Variants in DENND5B observed in about 807,000 individuals in gnomAD.
The protein encoded by DENND5B is DENN domain-containing protein 5B.
A neutral mutation model predicts 140.6 loss-of-function variants in DENND5B; 34 were observed. The observed-to-expected ratio is 0.24, with a 90% confidence interval of 0.18 to 0.32. DENND5B has a LOEUF of 0.32. Ranked by LOEUF, DENND5B falls within the 10% of genes least tolerant of loss-of-function variation. DENND5B has a pLI of 1.00. For synonymous variants in DENND5B, 551 were observed against 562.1 expected (o/e 0.98, Z 0.28); for missense variants, 1,142 against 1,560.2 (o/e 0.73, Z 4.52).
chr12:31,479,889 G>T lies in DENND5B; in HGVS notation c.604C>A (p.Gln202Lys), dbSNP rs763416832. 14 of 1,613,824 alleles carry T rather than the reference G, an allele frequency of 8.7e-6. No homozygotes were observed. The highest frequency in any genetic ancestry group is 1.2e-5 in the Non-Finnish European group (14 of 1,179,826). Reference sequence around the variant, plus strand: ...TGGATAAGGAATTTCTTGCAGGCCTGCATGAATGGTAACGGTGTGATCAAG... The same window carrying T: ...TGGATAAGGAATTTCTTGCAGGCCTTCATGAATGGTAACGGTGTGATCAAG... ...ICLITPLPFM[Q>K]ACKKFLIQLY... The change falls in exon 3 of 21, where the codon CAG (glutamine) becomes AAG (lysine). Residue 202 changes from glutamine to lysine, a missense_variant. Physicochemically the swap from Gln to Lys is moderately conservative, Grantham distance 53. This residue lies in a region of DENND5B where 708 missense variants were observed against 905.5 expected (regional missense o/e 0.78). Coordinates refer to ENST00000389082, the MANE Select transcript of DENND5B (RefSeq NM_144973.4).
At chr12:31,420,180 G>T in intron 11 of DENND5B, 2 of 564,032 alleles carry the variant, frequency 3.5e-6, no homozygotes, top group African/African-American at 2.0e-5. Flanking sequence ...AAGCTAGAGT[G>T]CAGTGGTGGG....
chr12:31,411,534 G>A (rs938092340), intron 13 of DENND5B, among the ~76,000 whole-genome samples: 1 of 151,658 alleles, frequency 6.6e-6, no homozygotes, highest in Non-Finnish European at 1.5e-5. Context: ...TAGTAGAGAC[G>A]GGGTTTCACC....
At chr12:31,526,266 A>C (rs1297653359) in intron 1 of DENND5B, among the ~76,000 whole-genome samples, 1 of 152,178 alleles carries the variant, frequency 6.6e-6, no homozygotes, top group Non-Finnish European at 1.5e-5. Context: ...CTACAGAAAT[A>C]TTTACATTTA....
chr12:31,489,980 G>A (rs1946461741), intron 2 of DENND5B, among the ~76,000 whole-genome samples: 1 of 152,182 alleles, frequency 6.6e-6, no homozygotes, highest in Non-Finnish European at 1.5e-5. Context: ...CAGGAGTCCA[G>A]GTAAGAGATC....
chr12:31,412,570 G>A (rs1248113390), intron 13 of DENND5B, among the ~76,000 whole-genome samples: 1 of 152,122 alleles, frequency 6.6e-6, no homozygotes, highest in Non-Finnish European at 1.5e-5. Context: ...GACAGGAGGC[G>A]GAGCTTAGGC....
intron 1 of DENND5B, among the ~76,000 whole-genome samples, chr12:31,517,798 A>G (rs965973887): frequency 6.6e-6 from 1 of 152,194 alleles, no homozygotes; most frequent in African/African-American, 2.4e-5. Context: ...AAGGGCTGGG[A>G]AGTGAAGCAC....
rs1043491184 is a variant in DENND5B at position 31,382,384 on chromosome 12, A to G, written c.*5219T>C. The G allele has an allele frequency of 6.6e-6, 1 of 152,080 alleles. No individual in the cohort carries two copies. The highest frequency in any genetic ancestry group is 1.5e-5 in the Non-Finnish European group (1 of 67,986). 9.4% of individuals were successfully genotyped at this position (152,080 alleles called of 1,614,324 possible). The stretch of plus-strand genomic sequence containing the variant: ...AAATTTTATATTATGTTCAGATGAG[A>G]AAAAAAATCCAGTTCTGATGCATTT... On this transcript the variant is annotated 3_prime_UTR_variant, in exon 21 of 21. Transcript: ENST00000389082.
At chr12:31,404,759 C>CTTTTT (rs71062425) in intron 14 of DENND5B, among the ~76,000 whole-genome samples, 879 of 74,034 alleles carry the variant, frequency 0.012, 89 homozygotes, top group African/African-American at 0.042. Flanking sequence ...CGACCTCTAG[C>CTTTTT]TTTTTTTTTT....
intron 4 of DENND5B, among the ~76,000 whole-genome samples, chr12:31,457,961 G>A (rs537573657): frequency 2.8e-4 from 43 of 152,168 alleles, no homozygotes; most frequent in Non-Finnish European, 4.3e-4. Flanking sequence ...TGATCCGCCC[G>A]CCTCAGCCTC....
At chr12:31,427,093 T>C (rs1033857308) in intron 8 of DENND5B, among the ~76,000 whole-genome samples, 1 of 152,228 alleles carries the variant, frequency 6.6e-6, no homozygotes, top group African/African-American at 2.4e-5. Flanking sequence ...AGGTGGCCTC[T>C]TTCTGTGATG....
In DENND5B at chr12:31,495,848, T is replaced by C; in HGVS notation, c.199A>G (p.Ile67Val). 1 of 1,612,828 alleles carries C rather than the reference T, an allele frequency of 6.2e-7. No homozygotes were observed. The highest frequency in any genetic ancestry group is 8.5e-7 in the Non-Finnish European group (1 of 1,179,380). ...SKVLAHYPQN[I>V]EWNPFDQDAV... ...TCTTGATCAAAAGGGTTCCATTCTATATTCTGAGGATAGTGGGCGAGAACT... is the reference window on the plus strand; with the variant it reads ...TCTTGATCAAAAGGGTTCCATTCTACATTCTGAGGATAGTGGGCGAGAACT... Residue 67 changes from isoleucine (I) to valine (V), a missense_variant, in exon 2 of 21, where the codon ATA becomes GTA. Transcript: ENST00000389082.
At chr12:31,468,724 T>G (rs1299518546) in intron 3 of DENND5B, among the ~76,000 whole-genome samples, 1 of 151,900 alleles carries the variant, frequency 6.6e-6, no homozygotes, top group Non-Finnish European at 1.5e-5. Flanking sequence ...GGCAGGAGGA[T>G]TGCCTGAGCC....
At chr12:31,580,293 T>C (rs538510721) in intron 1 of DENND5B, among the ~76,000 whole-genome samples, 1 of 152,122 alleles carries the variant, frequency 6.6e-6, no homozygotes, top group Admixed American at 6.6e-5. Flanking sequence ...AAATGGTTAA[T>C]TTTATTTACC....
At position 31,436,396 on chromosome 12, in the gene DENND5B, C is replaced by T. The variant is rs181825855; in HGVS notation, c.2013-3148G>A. Among the ~76,000 whole-genome samples the T allele has an allele frequency of 1.3e-3, 197 of 151,756 alleles. 1 individual carries two copies. Among genetic ancestry groups the T allele is most frequent in the African/African-American group, 4.7e-3 (193 of 41,358 alleles). ...GATTACAGGCATGAGCTACCGTGCC[C>T]AATCCTAAAAATCCTCTTGATGAAG... On this transcript the variant is annotated intron_variant, in intron 7 of 20. Coordinates refer to ENST00000389082, the MANE Select transcript of DENND5B (RefSeq NM_144973.4).
At chr12:31,558,838 T>C (rs1949382741) in intron 1 of DENND5B, among the ~76,000 whole-genome samples, 1 of 152,222 alleles carries the variant, frequency 6.6e-6, no homozygotes, top group Non-Finnish European at 1.5e-5. Flanking sequence ...TCTTCAGGAA[T>C]ATAGCCAGAT....
chr12:31,587,526 CTTTTT>C lies in DENND5B; in HGVS notation c.127+3175_127+3179del, dbSNP rs71460995. On this transcript the variant is annotated intron_variant, in intron 1 of 20. Coordinates refer to ENST00000389082, the MANE Select transcript of DENND5B (RefSeq NM_144973.4). Reference sequence around the variant, plus strand: ...CAACAACTTCTCTCACCACAAATACCTTTTTTTTTTTTTTTTTTTTTTTTTTTTTT... The same window carrying C: ...CAACAACTTCTCTCACCACAAATACCTTTTTTTTTTTTTTTTTTTTTTTTT... 3.1e-3 allele frequency among the ~76,000 whole-genome samples: 232 copies of C among 75,034 alleles called. 32 individuals carry two copies. The highest frequency in any genetic ancestry group is 0.023 in the Middle Eastern group (2 of 86). 49.2% of individuals were successfully genotyped at this position (75,034 alleles called of 152,430 possible).
chr12:31,481,597 G>C (rs1258137800), intron 2 of DENND5B, among the ~76,000 whole-genome samples: 1 of 152,188 alleles, frequency 6.6e-6, no homozygotes, highest in African/African-American at 2.4e-5. Flanking sequence ...GAAGATTCCA[G>C]GCAGAGAGGA....
chr12:31,519,929 C>A (rs988835207), intron 1 of DENND5B, among the ~76,000 whole-genome samples: 3 of 152,168 alleles, frequency 2.0e-5, no homozygotes, highest in African/African-American at 7.2e-5. Flanking sequence ...AGAAACCCTG[C>A]ACCTCACCTT....
intron 20 of DENND5B, among the ~76,000 whole-genome samples, chr12:31,388,105 G>C (rs1380998876): frequency 1.4e-5 from 2 of 142,904 alleles, no homozygotes; most frequent in Middle Eastern, 3.4e-3. Context: ...ACCACCTTTA[G>C]AAAGAGGCAG....
Sources: gnomAD v4.1 joint callset for allele counts (sites outside exome capture counted in the v4.1 genomes callset) on GRCh38, gnomAD v4.1.1 for gene constraint, gnomAD v4.1.1 regional missense constraint, MANE v1.5 for transcripts, NCBI Gene and HGNC (gene_info 2026-07-23, HGNC 2026-07-21) for gene names.